Variants in IFNAR1 observed in about 807,000 individuals in gnomAD.
IFNAR1 encodes interferon alpha/beta receptor 1.
Under a neutral mutation model 62.1 loss-of-function variants are expected in IFNAR1, and 47 were observed. That is an observed-to-expected ratio of 0.76 (90% CI 0.60 to 0.97). The LOEUF (loss-of-function observed/expected upper bound fraction) is 0.97, where lower values mean the gene tolerates loss of function less well. Among genes scored for constraint, IFNAR1 ranks in the 50% least tolerant of loss-of-function variants. IFNAR1 has a pLI of 0.00. For missense variants in IFNAR1, 638 were observed against 654.5 expected (o/e 0.97, Z 0.27); for synonymous variants, 219 against 226.9 (o/e 0.97, Z 0.31).
At position 33,341,666 on chromosome 21, in the gene IFNAR1, GTTTATCATTGTTATTTCTTTC is replaced by G. The variant is rs1401504792; in HGVS notation, c.376+496_376+516del. ...GCAAATGTTTGTTACCATAAAATAG[GTTTATCATTGTTATTTCTTTC>G]TTTTTTTTTTTGAGACAGAGTTTTG... On this transcript the variant is annotated intron_variant, in intron 3 of 10. Coordinates refer to ENST00000270139, the MANE Select transcript of IFNAR1 (RefSeq NM_000629.3). Among the ~76,000 whole-genome samples, 4 of 152,028 alleles carry G rather than the reference GTTTATCATTGTTATTTCTTTC, an allele frequency of 2.6e-5. No individual in the cohort carries two copies. The East Asian group carries it at 7.7e-4, about 29-fold the overall frequency.
At chr21:33,353,045 A>T in intron 9 of IFNAR1, 137 bp downstream of exon 9, 1 of 540,206 alleles carries the variant, frequency 1.9e-6, no homozygotes, top group Non-Finnish European at 3.0e-6. Flanking sequence ...TTCATGAACT[A>T]CATGAATCAA....
chr21:33,356,699 A>T lies in IFNAR1; in HGVS notation c.*1150A>T, dbSNP rs1310133297. 1 of 152,252 alleles carries T rather than the reference A, an allele frequency of 6.6e-6. No individual in the cohort carries two copies. Among genetic ancestry groups the T allele is most frequent in the Non-Finnish European group, 1.5e-5 (1 of 68,040 alleles). 9.4% of individuals were successfully genotyped at this position (152,252 alleles called of 1,614,324 possible). The stretch of plus-strand genomic sequence containing the variant: ...AGAGTGTGTACAAGTTTTAGTATAC[A>T]TGCCATGCCAGAAGATAGTGTATGC... On this transcript the variant is annotated 3_prime_UTR_variant, in exon 11 of 11. Transcript: ENST00000270139.
intron 9 of IFNAR1, among the ~76,000 whole-genome samples, chr21:33,353,411 G>A (rs961350551): frequency 1.3e-5 from 2 of 152,124 alleles, no homozygotes; most frequent in African/African-American, 4.8e-5. Context: ...TGTCAATATT[G>A]TATTTCTCCC....
At chr21:33,336,494 G>A (rs906129291) in intron 2 of IFNAR1, among the ~76,000 whole-genome samples, 9 of 149,830 alleles carry the variant, frequency 6.0e-5, no homozygotes, top group African/African-American at 1.2e-4. Context: ...CTGAGGAATC[G>A]CCACACTGAC....
At chr21:33,334,259 T>C (rs1474695747) in intron 1 of IFNAR1, among the ~76,000 whole-genome samples, 1 of 152,096 alleles carries the variant, frequency 6.6e-6, no homozygotes, top group Non-Finnish European at 1.5e-5. Context: ...CACTCTCAGC[T>C]TCGGACAGAT....
chr21:33,326,919 G>A (rs2083132031), intron 1 of IFNAR1, among the ~76,000 whole-genome samples: 1 of 152,160 alleles, frequency 6.6e-6, no homozygotes, highest in South Asian at 2.1e-4. Flanking sequence ...TTGATAGAGA[G>A]TGAGAGGTAA....
At chr21:33,350,672 C>G (rs1490489634) in intron 8 of IFNAR1, among the ~76,000 whole-genome samples, 1 of 152,218 alleles carries the variant, frequency 6.6e-6, no homozygotes, top group Non-Finnish European at 1.5e-5. Flanking sequence ...CCTGTCCAGT[C>G]AGGCTGGTAA....
chr21:33,335,787 T>A, intron 2 of IFNAR1, 140 bp downstream of exon 2: 1 of 704,744 alleles, frequency 1.4e-6, no homozygotes, highest in Non-Finnish European at 2.1e-6. Flanking sequence ...ATAATATTTT[T>A]AACTTTGTTT....
In IFNAR1 at chr21:33,343,280, C is replaced by T; in HGVS notation, c.389C>T (p.Pro130Leu). 6.2e-7 allele frequency: 1 copy of T among 1,612,082 alleles called. No homozygotes were observed. The highest frequency in any genetic ancestry group is 2.2e-5 in the East Asian group (1 of 44,854). The change falls in exon 4 of 11, where the codon CCT (proline) becomes CTT (leucine). Residue 130 changes from proline (P) to leucine (L), a missense_variant. Physicochemically the swap from Pro to Leu is moderately conservative, Grantham distance 98 (BLOSUM62 -3). Coordinates refer to ENST00000270139, the MANE Select transcript of IFNAR1 (RefSeq NM_000629.3). ...GATTTTTTTGCAGCTCAGATTGGTCCTCCAGAAGTACATTTAGAAGCTGAA... is the reference window on the plus strand; with the variant it reads ...GATTTTTTTGCAGCTCAGATTGGTCTTCCAGAAGTACATTTAGAAGCTGAA... ...FTPFRKAQIG[P>L]PEVHLEAEDK... is the part of the protein sequence containing the mutation.
rs2083317210 is a variant in IFNAR1 at position 33,343,686 on chromosome 21, A to G, written c.673+10A>G. On this transcript the variant is annotated intron_variant, in intron 5 of 10. Coordinates refer to ENST00000270139, the MANE Select transcript of IFNAR1 (RefSeq NM_000629.3). ...TGTATAAAGACCACAGGTAAGGAAG[A>G]TGTTTTGTTTTAGATTCAATAAATA... 6.4e-7 allele frequency: 1 copy of G among 1,565,280 alleles called. No individual in the cohort carries two copies. The highest frequency in any genetic ancestry group is 1.4e-5 in the African/African-American group (1 of 72,536).
At position 33,349,183 on chromosome 21, in the gene IFNAR1, C is replaced by T. The variant is rs1175290195; in HGVS notation, c.881C>T (p.Pro294Leu). ...GTCAAAACTACCCAGTGTGTCTTTC[C>T]TCAAAACGTTTTCCAAAAAGGAATT... ...ENVKTTQCVF[P>L]QNVFQKGIYL... The change falls in exon 7 of 11, where the codon CCT becomes CTT. Residue 294 changes from proline (P) to leucine (L), a missense_variant. Transcript: ENST00000270139. 3 of 1,612,990 alleles carry T rather than the reference C, an allele frequency of 1.9e-6. No individual in the cohort carries two copies. The highest frequency in any genetic ancestry group is 2.7e-5 in the African/African-American group (2 of 74,862).
intron 1 of IFNAR1, 81 bp from the exon 2 acceptor site, chr21:33,335,443 C>G: frequency 1.4e-6 from 1 of 727,794 alleles, no homozygotes; most frequent in Non-Finnish European, 2.1e-6. Context: ...ATTCTTTAAT[C>G]AGGGATGTGA....
chr21:33,348,545 A>T (rs897564526), intron 6 of IFNAR1, among the ~76,000 whole-genome samples: 4 of 152,276 alleles, frequency 2.6e-5, no homozygotes, highest in African/African-American at 9.6e-5. Flanking sequence ...TTCTTTAAAA[A>T]CCAGTTTGTA....
intron 8 of IFNAR1, among the ~76,000 whole-genome samples, chr21:33,352,153 A>G (rs886140528): frequency 1.3e-5 from 2 of 151,824 alleles, no homozygotes; most frequent in African/African-American, 4.8e-5. Flanking sequence ...CAAAACCCCT[A>G]CTCTTAACCA....
At position 33,341,123 on chromosome 21, in the gene IFNAR1, GAA is replaced by G. The variant is rs1385286037; in HGVS notation, c.328_329del (p.Asn110HisfsTer6). On this transcript the variant is annotated frameshift_variant, in exon 3 of 11. Coordinates refer to ENST00000270139, the MANE Select transcript of IFNAR1 (RefSeq NM_000629.3). LOFTEE classifies it high-confidence loss of function. ...TAAATTGCGTATAAGAGCAGAAAAA[GAA>G]AACACTTCTTCATGGTATGAGGTTG... ...EIKLRIRAEK[E>X]NTSSWYEVDS... 6.2e-7 allele frequency: 1 copy of G among 1,613,294 alleles called. No individual in the cohort carries two copies. The highest frequency in any genetic ancestry group is 8.5e-7 in the Non-Finnish European group (1 of 1,179,672).
In IFNAR1 at chr21:33,325,004, G is replaced by A. The variant is rs894165097; in HGVS notation, c.-52G>A. 5 of 1,508,056 alleles carry A rather than the reference G, an allele frequency of 3.3e-6. No homozygotes were observed. 93.4% of individuals were successfully genotyped at this position (1,508,056 alleles called of 1,614,324 possible). On this transcript the variant is annotated 5_prime_UTR_variant, in exon 1 of 11. Coordinates refer to ENST00000270139, the MANE Select transcript of IFNAR1 (RefSeq NM_000629.3). ...TAGGACGGGGCGATGGCGGCTGAGA[G>A]GAGCTGCGCGTGCGCGAACATGTAA...
intron 10 of IFNAR1, 84 bp from the exon 11 acceptor site, chr21:33,355,230 TAA>T: frequency 1.4e-6 from 1 of 696,762 alleles, no homozygotes; most frequent in Non-Finnish European, 2.4e-6. Context: ...GTAATGGATG[TAA>T]GAAACTAAAG....
chr21:33,342,388 G>T (rs1242280946), intron 3 of IFNAR1, among the ~76,000 whole-genome samples: 1 of 152,150 alleles, frequency 6.6e-6, no homozygotes, highest in Non-Finnish European at 1.5e-5. Flanking sequence ...TCCAGCCTGA[G>T]CAACAGAGCT....
intron 6 of IFNAR1, 102 bp from the exon 7 acceptor site, chr21:33,348,989 G>A (rs2083374613): frequency 2.9e-6 from 2 of 685,346 alleles, no homozygotes; most frequent in South Asian, 4.1e-5. Flanking sequence ...TCCTGAGTGT[G>A]GATACTATTT....
Sources: allele counts gnomAD v4.1 joint callset (sites outside exome capture counted in the v4.1 genomes callset), GRCh38; gene constraint gnomAD v4.1.1; transcripts MANE v1.5; gene names NCBI Gene and HGNC (gene_info 2026-07-23, HGNC 2026-07-21).